The following USP7 variants were observed in gnomAD, a reference collection of about 807,000 sequenced individuals.
USP7 encodes ubiquitin C-terminal hydrolase 7.
In USP7, 9 loss-of-function variants were observed where a neutral mutation model predicts 162.9. The ratio of observed to expected loss-of-function variants is 0.06; its 90% CI spans 0.03 to 0.10. The LOEUF (loss-of-function observed/expected upper bound fraction) is 0.10. USP7 is among the 10% of genes least tolerant of loss of function. The pLI is 1.00. For missense variants in USP7, 715 were observed against 1,373.7 expected, an observed-to-expected ratio of 0.52 and a Z score of 7.58; for synonymous variants, 562 against 475.9, an observed-to-expected ratio of 1.18 and a Z score of -2.35.
chr16:8,917,463 C>T (rs529410202), intron 6 of USP7, among the ~76,000 whole-genome samples: 1 of 152,338 alleles, frequency 6.6e-6, no homozygotes, highest in African/African-American at 2.4e-5. Context: ...ACTACAACCT[C>T]CGCCTCCTGG....
At chr16:8,920,530 ACT>A in intron 4 of USP7, 83 bp from the exon 5 acceptor site, 1 of 1,059,646 alleles carries the variant, frequency 9.4e-7, no homozygotes. Context: ...AGTGCCCTGT[ACT>A]TAATAGAGAT....
intron 1 of USP7, among the ~76,000 whole-genome samples, chr16:8,946,743 C>T (rs961571854): frequency 6.6e-6 from 1 of 152,244 alleles, no homozygotes; most frequent in African/African-American, 2.4e-5. Context: ...CACAGCCACT[C>T]ACGCTCAACC....
intron 27 of USP7, 149 bp downstream of exon 27, chr16:8,895,493 A>G: frequency 9.2e-6 from 7 of 764,170 alleles, no homozygotes; most frequent in Non-Finnish European, 1.5e-5. Context: ...GTGCAAAAAC[A>G]CTGTAGGTCC....
chr16:8,955,190 T>G (rs1899735329), intron 1 of USP7, among the ~76,000 whole-genome samples: 1 of 152,254 alleles, frequency 6.6e-6, no homozygotes, highest in Non-Finnish European at 1.5e-5. Context: ...TTTAATAAAC[T>G]TGGGTTTCTC....
intron 2 of USP7, among the ~76,000 whole-genome samples, chr16:8,928,664 G>A (rs1043279089): frequency 3.3e-5 from 5 of 152,098 alleles, no homozygotes; most frequent in Non-Finnish European, 5.9e-5. Context: ...GTCTTTCAAC[G>A]GCAACCACAG....
Position 8,963,318 on chromosome 16 carries a change from G to A in USP7, c.-33C>T, listed in dbSNP as rs1306020781. The A allele has an allele frequency of 1.1e-6, 1 of 950,804 alleles. No individual in the cohort carries two copies. The highest frequency in any genetic ancestry group is 7.0e-5 in the East Asian group (1 of 14,304). 58.9% of individuals were successfully genotyped at this position (950,804 alleles called of 1,614,324 possible). A position where few individuals can be genotyped will look rare whatever the true frequency, so the allele number is the denominator to read the frequency against. ...GCGGCCTGGGCCTCGCCTGCGGCCG[G>A]GGGCCGGGGCTGCGAGCCCGGCGGG... On this transcript the variant is annotated 5_prime_UTR_variant, in exon 1 of 31. Coordinates refer to ENST00000344836, the MANE Select transcript of USP7 (RefSeq NM_003470.3).
intron 5 of USP7, among the ~76,000 whole-genome samples, chr16:8,920,046 C>A (rs1369867322): frequency 6.6e-6 from 1 of 152,212 alleles, no homozygotes; most frequent in African/African-American, 2.4e-5. Flanking sequence ...AACGGAGCAT[C>A]TCTGCTCTGG....
In USP7 at chr16:8,917,015, C is replaced by G. The variant is rs1308731797; in HGVS notation, c.851+11G>C. On this transcript the variant is annotated intron_variant, in intron 7 of 30. Transcript: ENST00000344836. ...GAAGCAGAATGGCAAAGGCAGATGT[C>G]TAATACATACCCAAATGACTTTGTT... is the stretch of plus-strand genomic sequence containing the variant. The G allele has an allele frequency of 1.3e-6, 2 of 1,580,740 alleles. No individual in the cohort carries two copies. The highest frequency in any genetic ancestry group is 1.7e-6 in the Non-Finnish European group (2 of 1,167,454).
At chr16:8,896,185 A>G (rs866651536) in intron 26 of USP7, among the ~76,000 whole-genome samples, 14 of 149,912 alleles carry the variant, frequency 9.3e-5, no homozygotes, top group African/African-American at 2.9e-4. Context: ...TATCAGAAAC[A>G]GAGACCGGAG....
rs1898130159 is a variant in USP7 at position 8,928,362 on chromosome 16, C to G, written c.184+1931G>C. On this transcript the variant is annotated intron_variant, in intron 2 of 30. Coordinates refer to ENST00000344836, the MANE Select transcript of USP7 (RefSeq NM_003470.3). ...TCAAAAAAAGGGGGAGCTCTGAAGT[C>G]CAGAGTCTTAGGGAATCATTAACAA... Among the ~76,000 whole-genome samples the G allele has an allele frequency of 2.0e-5, 3 of 152,192 alleles. No homozygotes were observed. In the South Asian group the frequency reaches 6.2e-4, roughly 31 times the overall value.
At chr16:8,898,670 A>C in intron 23 of USP7, 31 bp from the exon 24 acceptor site, 1 of 1,517,478 alleles carries the variant, frequency 6.6e-7, no homozygotes, top group Non-Finnish European at 8.9e-7. Context: ...TAAATAAATG[A>C]CTTGTTTATT....
At chr16:8,916,412 ATTAGGTC>A in intron 8 of USP7, 83 bp downstream of exon 8, 1 of 642,524 alleles carries the variant, frequency 1.6e-6, no homozygotes, top group Non-Finnish European at 2.2e-6. Flanking sequence ...CATTTTCTGA[ATTAGGTC>A]TGAGGTTTTA....
chr16:8,947,936 TTC>T (rs891624448), intron 1 of USP7, among the ~76,000 whole-genome samples: 21 of 152,106 alleles, frequency 1.4e-4, no homozygotes, highest in African/African-American at 5.1e-4. Context: ...GCCTGGGGAT[TTC>T]TCTGTCTCCA....
chr16:8,946,538 A>C (rs1231063221), intron 1 of USP7, among the ~76,000 whole-genome samples: 1 of 152,262 alleles, frequency 6.6e-6, no homozygotes, highest in East Asian at 1.9e-4. Context: ...CGCGTATCTT[A>C]CAAAGACTCA....
chr16:8,946,028 T>A (rs1413332654), intron 1 of USP7, among the ~76,000 whole-genome samples: 1 of 152,084 alleles, frequency 6.6e-6, no homozygotes, highest in Non-Finnish European at 1.5e-5. Context: ...CAGATCCCAT[T>A]TGATTTTTGA....
intron 1 of USP7, among the ~76,000 whole-genome samples, chr16:8,950,737 C>A (rs1362566079): frequency 6.6e-6 from 1 of 152,226 alleles, no homozygotes; most frequent in Non-Finnish European, 1.5e-5. Context: ...CCCGCAGGGC[C>A]ACATCCCACT....
Position 8,963,566 on chromosome 16 carries a change from GGCCGCCGCCGCCGCCGCCGCGGGGCCC to G in USP7, c.-308_-282del, listed in dbSNP as rs1429973538. Reference sequence around the variant, plus strand: ...GCCGGGCGGCCTCGTCGCTCGCTGCGGCCGCCGCCGCCGCCGCCGCGGGGCCCGCCTCCCGCCGCCGGGGCCGGGGCC... The same window carrying G: ...GCCGGGCGGCCTCGTCGCTCGCTGCGGCCTCCCGCCGCCGGGGCCGGGGCC... On this transcript the variant is annotated 5_prime_UTR_variant, in exon 1 of 31. Transcript: ENST00000344836. 2 of 133,294 alleles carry G rather than the reference GGCCGCCGCCGCCGCCGCCGCGGGGCCC, an allele frequency of 1.5e-5. No individual in the cohort carries two copies. The highest frequency in any genetic ancestry group is 3.3e-5 in the Non-Finnish European group (2 of 61,416). The allele number at this position is 133,294 out of a possible 1,614,324, so 8.3% of individuals were successfully genotyped here. A position where few individuals can be genotyped will look rare whatever the true frequency, so the allele number is the denominator to read the frequency against.
chr16:8,896,307 T>C (rs952555249), intron 26 of USP7, among the ~76,000 whole-genome samples: 6 of 152,278 alleles, frequency 3.9e-5, no homozygotes, highest in Admixed American at 3.3e-4. Flanking sequence ...CCTCCGAAAG[T>C]TGCATAAACC....
intron 1 of USP7, among the ~76,000 whole-genome samples, chr16:8,940,526 G>A (rs1007399399): frequency 2.0e-5 from 3 of 152,194 alleles, no homozygotes; most frequent in African/African-American, 7.2e-5. Context: ...GCAACCCAGG[G>A]CGGGAGGTGG....
Sources: allele counts gnomAD v4.1 joint callset (sites outside exome capture counted in the v4.1 genomes callset), GRCh38; gene constraint gnomAD v4.1.1; transcripts MANE v1.5; gene names NCBI Gene and HGNC (gene_info 2026-07-23, HGNC 2026-07-21).